The following TENM4 variants were observed in gnomAD, a reference collection of about 807,000 sequenced individuals.
The protein encoded by TENM4 is teneurin transmembrane protein 4.
Under a neutral mutation model 243.3 loss-of-function variants are expected in TENM4, and 82 were observed. The observed-to-expected ratio is 0.34, with a 90% CI of 0.28 to 0.40. The LOEUF (loss-of-function observed/expected upper bound fraction) is 0.40, where lower values mean the gene tolerates loss of function less well. Among genes scored for constraint, TENM4 ranks in the 10% least tolerant of loss-of-function variants. TENM4 has a pLI of 1.00. For missense variants in TENM4, 3,138 were observed against 3,673.3 expected, an observed-to-expected ratio of 0.85 and a Z score of 3.77; for synonymous variants, 1,412 against 1,456.3, an observed-to-expected ratio of 0.97 and a Z score of 0.69.
chr11:78,985,520 AT>A (rs1197608849), intron 6 of TENM4, among the ~76,000 whole-genome samples: 1 of 152,192 alleles, frequency 6.6e-6, no homozygotes, highest in Non-Finnish European at 1.5e-5. Context: ...TACTTTAACT[AT>A]TACTGAGTTT....
At chr11:79,217,133 T>C (rs1034371761) in intron 2 of TENM4, among the ~76,000 whole-genome samples, 2 of 152,092 alleles carry the variant, frequency 1.3e-5, no homozygotes, top group African/African-American at 4.8e-5. Flanking sequence ...GAGATACCCG[T>C]ACAAAATAAA....
chr11:79,236,219 C>T (rs367852778), intron 2 of TENM4, among the ~76,000 whole-genome samples: 10 of 152,152 alleles, frequency 6.6e-5, no homozygotes, highest in South Asian at 2.1e-4. Flanking sequence ...CAGATTTCCA[C>T]GTCTCAGTCC....
chr11:78,861,690 C>T (rs974527780), intron 10 of TENM4, among the ~76,000 whole-genome samples: 6 of 152,176 alleles, frequency 3.9e-5, no homozygotes, highest in East Asian at 1.9e-4. Flanking sequence ...AGTAGATACT[C>T]TGACCAAGTA....
intron 1 of TENM4, among the ~76,000 whole-genome samples, chr11:79,369,271 C>T (rs942736117): frequency 2.0e-5 from 3 of 152,224 alleles, no homozygotes; most frequent in African/African-American, 4.8e-5. Flanking sequence ...GTTTGCAGCA[C>T]TTAACCTGCC....
Position 79,382,550 on chromosome 11 carries a change from T to C in TENM4, c.-321+57959A>G, listed in dbSNP as rs566648257. Among the ~76,000 whole-genome samples, 3 of 152,254 alleles carry C rather than the reference T, an allele frequency of 2.0e-5. No homozygotes were observed. In the East Asian group the frequency reaches 5.8e-4, roughly 29 times the overall value. On this transcript the variant is annotated intron_variant, in intron 1 of 33. Coordinates refer to ENST00000278550, the MANE Select transcript of TENM4 (RefSeq NM_001098816.3). ...TCAGGAACTCTACTGGCAGCAATCC[T>C]GGAATACTTCCTGAAGGAAGCCTCC...
At chr11:79,075,703 G>A (rs1392681414) in intron 4 of TENM4, among the ~76,000 whole-genome samples, 1 of 152,188 alleles carries the variant, frequency 6.6e-6, no homozygotes, top group African/African-American at 2.4e-5. Context: ...AGAGCATGTG[G>A]CCCCCAGGTG....
At chr11:79,111,418 A>G (rs1224151415) in intron 4 of TENM4, among the ~76,000 whole-genome samples, 8 of 152,028 alleles carry the variant, frequency 5.3e-5, no homozygotes, top group Non-Finnish European at 8.8e-5. Context: ...GATGGCGGGC[A>G]CCTGTAGTCT....
intron 6 of TENM4, among the ~76,000 whole-genome samples, chr11:78,904,437 A>T (rs1434134748): frequency 6.6e-6 from 1 of 151,590 alleles, no homozygotes; most frequent in Non-Finnish European, 1.5e-5. Flanking sequence ...CAGGAAGGGG[A>T]CTGTGGCCTG....
At chr11:79,243,458 A>G (rs562207398) in intron 2 of TENM4, among the ~76,000 whole-genome samples, 2 of 152,338 alleles carry the variant, frequency 1.3e-5, no homozygotes, top group East Asian at 3.9e-4. Context: ...TTAAACAAAC[A>G]AACAAAAAAT....
At chr11:78,792,399 A>G (rs1857075308) in intron 15 of TENM4, among the ~76,000 whole-genome samples, 1 of 152,210 alleles carries the variant, frequency 6.6e-6, no homozygotes, top group Admixed American at 6.5e-5. Flanking sequence ...AAAATCTCCA[A>G]CTGTCCAAAA....
At chr11:79,054,805 C>A (rs952366969) in intron 6 of TENM4, among the ~76,000 whole-genome samples, 1 of 151,862 alleles carries the variant, frequency 6.6e-6, no homozygotes, top group African/African-American at 2.4e-5. Flanking sequence ...ATATATTTTA[C>A]ATGACAGTTG....
chr11:79,296,177 T>C (rs936957537), intron 2 of TENM4, among the ~76,000 whole-genome samples: 2 of 152,190 alleles, frequency 1.3e-5, no homozygotes, highest in African/African-American at 2.4e-5. Flanking sequence ...ACAAAGAGCA[T>C]AGCCTCTAAT....
At chr11:79,163,689 C>A (rs1862808374) in intron 3 of TENM4, among the ~76,000 whole-genome samples, 1 of 151,572 alleles carries the variant, frequency 6.6e-6, no homozygotes. Context: ...TGGTCTCTAA[C>A]TCCATCCAGG....
chr11:78,744,984 C>T (rs931669060), intron 19 of TENM4, among the ~76,000 whole-genome samples: 1 of 152,106 alleles, frequency 6.6e-6, no homozygotes, highest in Non-Finnish European at 1.5e-5. Flanking sequence ...ATCAGCTCTG[C>T]CATTTTGTTT....
intron 4 of TENM4, among the ~76,000 whole-genome samples, chr11:79,116,566 C>T (rs1351712181): frequency 6.6e-6 from 1 of 152,188 alleles, no homozygotes. Context: ...GTTGAAAATG[C>T]TCTCCCCCAA....
At chr11:79,158,452 G>T (rs1862669252) in intron 3 of TENM4, among the ~76,000 whole-genome samples, 1 of 152,152 alleles carries the variant, frequency 6.6e-6, no homozygotes, top group Non-Finnish European at 1.5e-5. Context: ...TCCCTGAGAA[G>T]CCTCCAGGTC....
At chr11:78,954,535 C>G (rs1857169906) in intron 6 of TENM4, among the ~76,000 whole-genome samples, 1 of 152,166 alleles carries the variant, frequency 6.6e-6, no homozygotes, top group Non-Finnish European at 1.5e-5. Context: ...CTATCAGTTG[C>G]CAATGTCCTT....
At chr11:78,696,914 C>T (rs942122642) in intron 28 of TENM4, among the ~76,000 whole-genome samples, 3 of 151,994 alleles carry the variant, frequency 2.0e-5, no homozygotes, top group African/African-American at 7.3e-5. Context: ...GGATTTTCCC[C>T]AGTGCCTAGG....
intron 27 of TENM4, among the ~76,000 whole-genome samples, chr11:78,706,250 T>C (rs1012626038): frequency 3.9e-5 from 6 of 152,198 alleles, no homozygotes; most frequent in African/African-American, 7.2e-5. Flanking sequence ...AGAGTTATTC[T>C]CTGTCGGTGG....
Sources: gnomAD v4.1 joint callset for allele counts (sites outside exome capture counted in the v4.1 genomes callset) on GRCh38, gnomAD v4.1.1 for gene constraint, MANE v1.5 for transcripts, NCBI Gene and HGNC (gene_info 2026-07-23, HGNC 2026-07-21) for gene names.